FYCO1: variants seen among roughly 807,000 people sequenced by gnomAD.
FYCO1 encodes the protein FYVE and coiled-coil domain autophagy adaptor 1.
In FYCO1, 122 loss-of-function variants were observed where a neutral mutation model predicts 165.1. The ratio of observed to expected loss-of-function variants is 0.74; its 90% confidence interval spans 0.64 to 0.86. FYCO1 has a LOEUF of 0.86. FYCO1 is among the 40% of genes least tolerant of loss of function. The pLI, the probability that FYCO1 is intolerant of heterozygous loss-of-function variation, is 0.00. For missense variants in FYCO1, 1,702 were observed against 1,810.3 expected, an observed-to-expected ratio of 0.94 and a Z score of 1.09; for synonymous variants, 648 against 742.5, an observed-to-expected ratio of 0.87 and a Z score of 2.07.
rs192591452 is a variant in FYCO1 at position 45,987,097 on chromosome 3, C to G, written c.-112-2075G>C. ...GGCATACAAAACAACATGGAGGAAT[C>G]TGAAATGCCCTGTGCTGAGTCAAAG... On this transcript the variant is annotated intron_variant, in intron 1 of 17. Transcript: ENST00000296137. Among the ~76,000 whole-genome samples the G allele has an allele frequency of 3.5e-3, 528 of 152,334 alleles. 7 individuals are homozygous for G. The highest frequency in any genetic ancestry group is 0.012 in the African/African-American group (490 of 41,564).
intron 14 of FYCO1, among the ~76,000 whole-genome samples, chr3:45,936,966 A>C (rs958487041): frequency 6.6e-6 from 1 of 152,194 alleles, no homozygotes; most frequent in African/African-American, 2.4e-5. Context: ...GCACAAGAAC[A>C]GGCACCCAGG....
At chr3:45,944,229 C>T (rs1056154383) in intron 14 of FYCO1, among the ~76,000 whole-genome samples, 1 of 151,440 alleles carries the variant, frequency 6.6e-6, no homozygotes, top group East Asian at 1.9e-4. Context: ...TATATATATA[C>T]ATTATTTCTG....
chr3:45,941,907 T>A (rs1457438314), intron 14 of FYCO1, among the ~76,000 whole-genome samples: 1 of 152,250 alleles, frequency 6.6e-6, no homozygotes, highest in Non-Finnish European at 1.5e-5. Flanking sequence ...CAGGGTTACA[T>A]TAAATTGCCA....
At chr3:45,969,852 G>T (rs1706319408) in intron 6 of FYCO1, 87 bp from the exon 7 acceptor site, 2 of 1,045,096 alleles carry the variant, frequency 1.9e-6, no homozygotes, top group East Asian at 5.0e-5. Flanking sequence ...CAACCAGGTG[G>T]TGGTAGGGGG....
chr3:45,945,957 C>T (rs1371479938), intron 14 of FYCO1: 1 of 155,192 alleles, frequency 6.4e-6, no homozygotes, highest in African/African-American at 2.4e-5. Flanking sequence ...GATAGGAGAG[C>T]CCCCTGGTAG....
At chr3:45,940,779 C>G (rs1162836165) in intron 14 of FYCO1, among the ~76,000 whole-genome samples, 1 of 152,158 alleles carries the variant, frequency 6.6e-6, no homozygotes, top group Non-Finnish European at 1.5e-5. Context: ...TACTTCTGCC[C>G]CTCGGCCAAA....
chr3:45,959,833 T>A (rs1705586775), intron 11 of FYCO1, among the ~76,000 whole-genome samples: 1 of 152,180 alleles, frequency 6.6e-6, no homozygotes, highest in African/African-American at 2.4e-5. Context: ...CTCAGGCACC[T>A]AAACAACAGT....
intron 1 of FYCO1, among the ~76,000 whole-genome samples, chr3:45,987,950 G>A (rs1006460811): frequency 3.3e-5 from 5 of 152,202 alleles, no homozygotes; most frequent in Non-Finnish European, 7.3e-5. Flanking sequence ...GTGCTTTGGT[G>A]ACACTGCCCT....
In FYCO1 at chr3:45,921,400, A is replaced by T; in HGVS notation, c.*365T>A. On this transcript the variant is annotated 3_prime_UTR_variant, in exon 18 of 18. Coordinates refer to ENST00000296137, the MANE Select transcript of FYCO1 (RefSeq NM_024513.4). ...CAGGGCAGAAAATCTCTCCACAGGC[A>T]GAAGTTGGAATCACCCCTGCCCGTG... 1 of 341,448 alleles carries T rather than the reference A, an allele frequency of 2.9e-6. No homozygotes were observed. Among genetic ancestry groups the T allele is most frequent in the South Asian group, 2.4e-5 (1 of 41,264 alleles). The allele number at this position is 341,448 out of a possible 1,614,324, so 21.2% of individuals were successfully genotyped here. A position where few individuals can be genotyped will look rare whatever the true frequency, so the allele number is the denominator to read the frequency against.
At chr3:45,963,353 C>T (rs1325643606) in intron 10 of FYCO1, among the ~76,000 whole-genome samples, 2 of 152,174 alleles carry the variant, frequency 1.3e-5, no homozygotes, top group Non-Finnish European at 2.9e-5. Context: ...TGTTTTCATG[C>T]CACCAACTCA....
chr3:45,977,386 TATATATATATATATATATATAA>T (rs1706822345), intron 4 of FYCO1, among the ~76,000 whole-genome samples: 1 of 35,386 alleles, frequency 2.8e-5, no homozygotes, highest in Admixed American at 5.3e-4. Context: ...TATATATATA[TATATATATATATATATATATAA>T]AGGGAACTAT....
At chr3:45,961,500 T>C (rs893366433) in intron 11 of FYCO1, among the ~76,000 whole-genome samples, 1 of 151,234 alleles carries the variant, frequency 6.6e-6, no homozygotes, top group Non-Finnish European at 1.5e-5. Context: ...ATCGCTTGAA[T>C]GCAGGAGGAA....
intron 17 of FYCO1, among the ~76,000 whole-genome samples, chr3:45,923,319 A>T (rs893593972): frequency 5.2e-4 from 79 of 152,292 alleles, no homozygotes; most frequent in Non-Finnish European, 1.9e-4. Flanking sequence ...GAGCAGTGGG[A>T]ATCAATATCA....
chr3:45,962,332 G>A lies in FYCO1; in HGVS notation c.3330C>T (p.Cys1110=), dbSNP rs764164884. The A allele has an allele frequency of 6.2e-7, 1 of 1,614,034 alleles. No individual in the cohort carries two copies. The highest frequency in any genetic ancestry group is 8.5e-7 in the Non-Finnish European group (1 of 1,179,896). ...TCCTCTCACGATTTGTCACCTCCTG[G>A]CAGAGTTTGTTGTAATACTCTTGGA... ...TKIQEYYNKL[C]QEVTNRERND... The change falls in exon 11 of 18, where the codon TGC becomes TGT. Residue 1110 remains cysteine, a synonymous_variant. Coordinates refer to ENST00000296137, the MANE Select transcript of FYCO1 (RefSeq NM_024513.4). The surrounding 1 kb of genome is among the most constrained non-coding windows in gnomAD (Gnocchi z 4.4).
intron 14 of FYCO1, chr3:45,946,534 G>A (rs771852091): frequency 1.2e-6 from 2 of 1,614,076 alleles, no homozygotes; most frequent in Non-Finnish European, 1.7e-6. Context: ...TTCAATGACA[G>A]CAGCCAGGAG....
chr3:45,946,395 G>T, intron 14 of FYCO1: 1 of 1,212,570 alleles, frequency 8.2e-7, no homozygotes, highest in Non-Finnish European at 1.2e-6. Context: ...GTGGTCAATG[G>T]GATAGCAGGA....
chr3:45,989,351 AC>A (rs1707461977), intron 1 of FYCO1, among the ~76,000 whole-genome samples: 1 of 152,234 alleles, frequency 6.6e-6, no homozygotes, highest in Non-Finnish European at 1.5e-5. Flanking sequence ...CTATCTAGTT[AC>A]CACCTACAGA....
intron 14 of FYCO1, chr3:45,947,115 TCA>T (rs1306109621): frequency 1.1e-5 from 17 of 1,614,118 alleles, no homozygotes; most frequent in Non-Finnish European, 1.4e-5. Flanking sequence ...TGTCTGCTAT[TCA>T]GTCATAATCA....
intron 8 of FYCO1, among the ~76,000 whole-genome samples, chr3:45,966,069 C>A (rs935353511): frequency 2.6e-5 from 4 of 152,260 alleles, no homozygotes; most frequent in African/African-American, 9.6e-5. Flanking sequence ...TAAGGCATCA[C>A]TCCCAATGTT....
Sources: gnomAD v4.1 joint callset for allele counts (sites outside exome capture counted in the v4.1 genomes callset) on GRCh38, gnomAD v4.1.1 for gene constraint, Gnocchi (gnomAD v3.1) non-coding constraint, MANE v1.5 for transcripts, NCBI Gene and HGNC (gene_info 2026-07-23, HGNC 2026-07-21) for gene names.